PDGFA: variants seen among roughly 807,000 people sequenced by gnomAD.
The protein encoded by PDGFA is platelet-derived growth factor subunit A.
In PDGFA, 9 loss-of-function variants were observed where a neutral mutation model predicts 25.6. The observed-to-expected ratio is 0.35, with a 90% CI of 0.21 to 0.61. The LOEUF (loss-of-function observed/expected upper bound fraction) is 0.61, where lower values mean the gene tolerates loss of function less well. Among genes scored for constraint, PDGFA ranks in the 20% least tolerant of loss-of-function variants. PDGFA has a pLI of 0.75. For synonymous variants in PDGFA, 133 were observed against 111.8 expected, an observed-to-expected ratio of 1.19 and a Z score of -1.20; for missense variants, 242 against 272.8, an observed-to-expected ratio of 0.89 and a Z score of 0.79.
intron 5 of PDGFA, among the ~76,000 whole-genome samples, chr7:499,340 T>C (rs1250147401): frequency 1.3e-5 from 2 of 152,264 alleles, no homozygotes; most frequent in Non-Finnish European, 2.9e-5. Context: ...TGAATGGACC[T>C]CACCCGCAGG....
chr7:506,166 ACT>A (rs1782555993), intron 4 of PDGFA, among the ~76,000 whole-genome samples: 1 of 117,776 alleles, frequency 8.5e-6, no homozygotes, highest in South Asian at 2.6e-4. Context: ...ACAGAGTGAG[ACT>A]CTGTCTCAAA....
At position 500,139 on chromosome 7, in the gene PDGFA, C is replaced by T. The variant is rs1448415272; in HGVS notation, c.580+977G>A. ...AGAGCTGCCCCACCGCTGCTCAGGT[C>T]GCCCAACCTGTTCCATTCATGTGCA... On this transcript the variant is annotated intron_variant, in intron 5 of 5. Coordinates refer to ENST00000402802, the Ensembl canonical transcript of PDGFA. The surrounding 1 kb of genome is among the most constrained non-coding windows in gnomAD (Gnocchi z 5.0). Among the ~76,000 whole-genome samples, 14 of 152,206 alleles carry T rather than the reference C, an allele frequency of 9.2e-5. No individual in the cohort carries two copies. Among genetic ancestry groups the T allele is most frequent in the Admixed American group, 9.2e-4 (14 of 15,284 alleles).
In PDGFA at chr7:512,266, C is replaced by G; in HGVS notation, c.265+85G>C. The G allele has an allele frequency of 7.8e-6, 10 of 1,288,494 alleles. No homozygotes were observed. The East Asian group carries it at 1.7e-4, about 22-fold the overall frequency. 79.8% of individuals were successfully genotyped at this position (1,288,494 alleles called of 1,614,324 possible). On this transcript the variant is annotated intron_variant, in intron 3 of 5. Coordinates refer to ENST00000402802, the Ensembl canonical transcript of PDGFA. ...GCTGGGAGAGCGGGCAGCTCCTCCC[C>G]ACCCGGCCCTGCCCTGCCCATCGCG...
At chr7:509,725 G>T (rs564463222) in intron 4 of PDGFA, among the ~76,000 whole-genome samples, 3 of 152,118 alleles carry the variant, frequency 2.0e-5, no homozygotes, top group African/African-American at 7.2e-5. Context: ...CAGAAAACAC[G>T]GCTCCAGCGG....
intron 3 of PDGFA, among the ~76,000 whole-genome samples, chr7:511,293 G>C (rs1263469362): frequency 6.9e-5 from 6 of 86,594 alleles, no homozygotes; most frequent in Non-Finnish European, 1.3e-4. Context: ...GGCTGGGGGT[G>C]GGGAGAGGGG....
chr7:517,549 C>T lies in PDGFA; in HGVS notation c.64-59G>A, dbSNP rs1783166237. On this transcript the variant is annotated intron_variant, in intron 1 of 5. Transcript: ENST00000402802. The surrounding 1 kb of genome is among the most constrained non-coding windows in gnomAD (Gnocchi z 7.4). ...GCCCCGACCCCGCCGGCACGCGCCC[C>T]CGGCCGCCAGGAGCGCCGCCGCCCC... is the stretch of plus-strand genomic sequence containing the variant. 2 of 788,892 alleles carry T rather than the reference C, an allele frequency of 2.5e-6. No homozygotes were observed. The highest frequency in any genetic ancestry group is 1.6e-6 in the Non-Finnish European group (1 of 623,616). 48.9% of individuals were successfully genotyped at this position (788,892 alleles called of 1,614,324 possible). A position where few individuals can be genotyped will look rare whatever the true frequency, so the allele number is the denominator to read the frequency against.
At chr7:508,087 G>A (rs1053681682) in intron 4 of PDGFA, among the ~76,000 whole-genome samples, 4 of 152,098 alleles carry the variant, frequency 2.6e-5, no homozygotes, top group African/African-American at 9.7e-5. Flanking sequence ...CCCAGTTATG[G>A]GTCTAAAGTG....
At chr7:498,664 G>T in intron 5 of PDGFA, 90 bp from the exon 6 acceptor site, 4 of 1,239,744 alleles carry the variant, frequency 3.2e-6, no homozygotes, top group Non-Finnish European at 3.5e-6. Context: ...AAAACAGGGT[G>T]AAAACATTTA....
chr7:497,971 A>C (rs1352065793), exon 6 of PDGFA: 2 of 133,802 alleles, frequency 1.5e-5, no homozygotes, highest in African/African-American at 2.8e-5. Flanking sequence ...AAAAAAAAAA[A>C]AACAAAACAA....
At chr7:520,482 C>G (rs1259138748), upstream of PDGFA, 1 of 152,828 alleles carries the variant, frequency 6.5e-6, no homozygotes, top group Non-Finnish European at 1.5e-5. Flanking sequence ...CACTTGGGAG[C>G]GAGCTCCAGT....
intron 4 of PDGFA, among the ~76,000 whole-genome samples, chr7:506,244 C>T (rs1782562539): frequency 1.3e-5 from 2 of 151,316 alleles, no homozygotes; most frequent in South Asian, 4.2e-4. Flanking sequence ...AGGAATTTGA[C>T]ACCAGCCTGG....
At chr7:511,121 C>T in intron 3 of PDGFA, 125 bp from the exon 4 acceptor site, 1 of 731,406 alleles carries the variant, frequency 1.4e-6, no homozygotes, top group Non-Finnish European at 2.3e-6. Flanking sequence ...GGATTCCTCC[C>T]AGGCAGCAGA....
chr7:516,000 C>G (rs1425148723), intron 2 of PDGFA, among the ~76,000 whole-genome samples: 1 of 119,224 alleles, frequency 8.4e-6, no homozygotes, highest in Non-Finnish European at 1.7e-5. Context: ...CTGCTAGCAC[C>G]CCCCCCCAGA....
exon 6 of PDGFA, chr7:498,459 G>A (rs1335630887): frequency 9.1e-7 from 1 of 1,098,708 alleles, no homozygotes; most frequent in Non-Finnish European, 1.4e-6. Context: ...TTTTCACGGA[G>A]GAGAACAAAG....
rs1309358433 is a variant in PDGFA, at chr7:500,492, A to G, written c.580+624T>C. 1 of 1,613,914 alleles carries G rather than the reference A, an allele frequency of 6.2e-7. No individual in the cohort carries two copies. The highest frequency in any genetic ancestry group is 1.7e-5 in the Admixed American group (1 of 60,022). On this transcript the variant is annotated intron_variant, in intron 5 of 5. Coordinates refer to ENST00000402802, the Ensembl canonical transcript of PDGFA. This position sits in a 1 kb window ranked among gnomAD's most constrained non-coding sequence, Gnocchi z 5.0. ...TTTTCCGTTTTTTACCTGACTCCCT[A>G]GGCCTTCCTGTTAACAAAAGGGCAG...
intron 4 of PDGFA, among the ~76,000 whole-genome samples, chr7:506,254 G>C (rs1397869666): frequency 2.6e-5 from 4 of 151,236 alleles, no homozygotes; most frequent in African/African-American, 4.9e-5. Flanking sequence ...CACCAGCCTG[G>C]CCAACAAAGC....
intron 5 of PDGFA, 40 bp downstream of exon 5, chr7:501,076 C>T: frequency 6.2e-7 from 1 of 1,614,092 alleles, no homozygotes. Flanking sequence ...CTCTGAAGAC[C>T]TGTTCTCCAA....
intron 2 of PDGFA, among the ~76,000 whole-genome samples, chr7:515,808 A>G (rs1423638916): frequency 1.3e-5 from 2 of 152,064 alleles, no homozygotes; most frequent in Non-Finnish European, 2.9e-5. Flanking sequence ...CCCCCGGGTG[A>G]GGAATGCCAT....
chr7:514,431 C>T (rs545264961), intron 2 of PDGFA, among the ~76,000 whole-genome samples: 2 of 152,324 alleles, frequency 1.3e-5, no homozygotes, highest in South Asian at 4.1e-4. Flanking sequence ...ACCAAGCCCA[C>T]CCTTTGCTCC....
Sources: allele counts gnomAD v4.1 joint callset (sites outside exome capture counted in the v4.1 genomes callset), GRCh38; gene constraint gnomAD v4.1.1; non-coding constraint Gnocchi (gnomAD v3.1); transcripts MANE v1.5; gene names NCBI Gene and HGNC (gene_info 2026-07-23, HGNC 2026-07-21).